The following ENTREP2 variants were observed in gnomAD, a reference collection of about 807,000 sequenced individuals.
ENTREP2 encodes the protein endosomal transmembrane epsin interactor 2.
the ENTREP2 span, among the ~76,000 whole-genome samples, chr15:29,564,871 C>A: frequency 6.6e-6 from 1 of 152,120 alleles, no homozygotes; most frequent in Non-Finnish European, 1.5e-5. Flanking sequence ...TGAGCTTTAT[C>A]TATGGCTGTC....
At chr15:29,649,057 T>TACACACACACACACAC in the ENTREP2 span, among the ~76,000 whole-genome samples, 182 of 144,970 alleles carry the variant, frequency 1.3e-3, no homozygotes, top group Non-Finnish European at 2.1e-3. Context: ...GGGACACATG[T>TACACACACACACACAC]ACACACACAC....
chr15:29,163,477 T>TA, the ENTREP2 span, among the ~76,000 whole-genome samples: 2 of 150,876 alleles, frequency 1.3e-5, no homozygotes, highest in Non-Finnish European at 3.0e-5. Flanking sequence ...AAAAAATAAA[T>TA]AAAAAATCCA....
the ENTREP2 span, among the ~76,000 whole-genome samples, chr15:29,553,449 C>T: frequency 2.6e-5 from 4 of 152,126 alleles, no homozygotes; most frequent in Non-Finnish European, 4.4e-5. Context: ...AAAAAAAATA[C>T]ACGAGAATTA....
the ENTREP2 span, among the ~76,000 whole-genome samples, chr15:29,624,966 C>T: frequency 6.7e-5 from 10 of 150,058 alleles, no homozygotes; most frequent in South Asian, 8.4e-4. Context: ...GATCAGGATA[C>T]GGAACCATTC....
the ENTREP2 span, among the ~76,000 whole-genome samples, chr15:29,251,541 A>T: frequency 6.6e-6 from 1 of 150,730 alleles, no homozygotes; most frequent in Non-Finnish European, 1.5e-5. Flanking sequence ...TTTGTGACTT[A>T]TTTTTTTTTA....
chr15:29,441,940 T>A, the ENTREP2 span, among the ~76,000 whole-genome samples: 1,650 of 152,286 alleles, frequency 0.011, 25 homozygotes, highest in East Asian at 0.068. Flanking sequence ...ACCACACCCA[T>A]GTGTCCACCC....
chr15:29,518,753 G>A, the ENTREP2 span, among the ~76,000 whole-genome samples: 2 of 152,126 alleles, frequency 1.3e-5, no homozygotes, highest in African/African-American at 4.8e-5. Context: ...CCTACACCCT[G>A]GAAAACCAAA....
At chr15:29,311,101 A>C in the ENTREP2 span, among the ~76,000 whole-genome samples, 1 of 152,140 alleles carries the variant, frequency 6.6e-6, no homozygotes, top group Non-Finnish European at 1.5e-5. Context: ...TCTAGAAACA[A>C]ATGTGCTTTG....
chr15:29,615,260 A>T, the ENTREP2 span, among the ~76,000 whole-genome samples: 3 of 151,388 alleles, frequency 2.0e-5, no homozygotes, highest in African/African-American at 7.3e-5. Flanking sequence ...GGTTCAAGCG[A>T]TTCTGCTGCC....
At chr15:29,202,003 T>C in the ENTREP2 span, among the ~76,000 whole-genome samples, 13 of 152,194 alleles carry the variant, frequency 8.5e-5, no homozygotes, top group Non-Finnish European at 1.5e-4. Context: ...GTTGTGTTAG[T>C]TCGTGTTTTC....
chr15:29,506,331 AC>A, the ENTREP2 span, among the ~76,000 whole-genome samples: 17 of 152,194 alleles, frequency 1.1e-4, no homozygotes, highest in African/African-American at 4.1e-4. Context: ...TGGAAAACAC[AC>A]TTCAGGATAT....
chr15:29,429,808 C>G, the ENTREP2 span, among the ~76,000 whole-genome samples: 10 of 152,318 alleles, frequency 6.6e-5, no homozygotes, highest in Admixed American at 6.5e-4. Context: ...CCGATCCGGG[C>G]CGGCGTGAGG....
chr15:29,460,937 T>C, the ENTREP2 span, among the ~76,000 whole-genome samples: 1 of 152,208 alleles, frequency 6.6e-6, no homozygotes, highest in Non-Finnish European at 1.5e-5. Flanking sequence ...TTTACAGTTA[T>C]CTTCTGACCT....
chr15:29,310,062 G>A, the ENTREP2 span, among the ~76,000 whole-genome samples: 1 of 152,060 alleles, frequency 6.6e-6, no homozygotes, highest in East Asian at 1.9e-4. Context: ...AACATCTTAT[G>A]AGTGTCACCA....
chr15:29,358,308 G>A, the ENTREP2 span, among the ~76,000 whole-genome samples: 1 of 152,038 alleles, frequency 6.6e-6, no homozygotes, highest in African/African-American at 2.4e-5. Flanking sequence ...ATATCATGGT[G>A]AATGAAAAAA....
At chr15:29,565,573 G>A in the ENTREP2 span, among the ~76,000 whole-genome samples, 5 of 152,224 alleles carry the variant, frequency 3.3e-5, no homozygotes, top group South Asian at 2.1e-4. Context: ...ATGAGTTATG[G>A]CTGGGAATAT....
chr15:29,360,539 A>G, the ENTREP2 span, among the ~76,000 whole-genome samples: 1 of 152,250 alleles, frequency 6.6e-6, no homozygotes, highest in Non-Finnish European at 1.5e-5. Flanking sequence ...TGCAATATTC[A>G]TCATTAATAC....
chr15:29,205,038 C>G, the ENTREP2 span, among the ~76,000 whole-genome samples: 6 of 152,282 alleles, frequency 3.9e-5, no homozygotes, highest in East Asian at 3.9e-4. Context: ...TGTGGATTCA[C>G]TACTCCAGGT....
the ENTREP2 span, among the ~76,000 whole-genome samples, chr15:29,658,314 T>C: frequency 1.3e-5 from 2 of 152,226 alleles, no homozygotes; most frequent in Non-Finnish European, 2.9e-5. Context: ...TCCACCATGA[T>C]TGTAAATTTC....
Sources: gnomAD v4.1 joint callset for allele counts (sites outside exome capture counted in the v4.1 genomes callset) on GRCh38, gnomAD v4.1.1 for gene constraint, MANE v1.5 for transcripts, NCBI Gene and HGNC (gene_info 2026-07-23, HGNC 2026-07-21) for gene names.